The following SLC22A23 variants were observed in gnomAD, a reference collection of about 807,000 sequenced individuals.
SLC22A23 encodes the protein solute carrier family 22 member 23.
In SLC22A23, 26 loss-of-function variants were observed where a neutral mutation model predicts 61.0. The observed-to-expected ratio is 0.43, with a 90% confidence interval of 0.31 to 0.59. The LOEUF is 0.59. Ranked by LOEUF, SLC22A23 falls within the 20% of genes least tolerant of loss-of-function variation. The pLI is 0.11. For synonymous variants in SLC22A23, 430 were observed against 413.9 expected, an observed-to-expected ratio of 1.04 and a Z score of -0.47; for missense variants, 796 against 934.7, an observed-to-expected ratio of 0.85 and a Z score of 1.94.
chr6:3,389,483 C>G (rs1422254403), intron 3 of SLC22A23, among the ~76,000 whole-genome samples: 2 of 152,166 alleles, frequency 1.3e-5, no homozygotes, highest in Non-Finnish European at 2.9e-5. Flanking sequence ...GAGAAACAAG[C>G]TGGTGAGCGC....
intron 1 of SLC22A23, among the ~76,000 whole-genome samples, chr6:3,420,270 A>G (rs75554720): frequency 0.019 from 2,919 of 152,078 alleles, 47 homozygotes; most frequent in Non-Finnish European, 0.033. Context: ...GGAGTCAGAG[A>G]ACCTATATAG....
At chr6:3,379,839 C>G (rs1186987777) in intron 3 of SLC22A23, among the ~76,000 whole-genome samples, 1 of 152,208 alleles carries the variant, frequency 6.6e-6, no homozygotes, top group African/African-American at 2.4e-5. Context: ...GCAGGGGCTT[C>G]AAAGGGTTCC....
chr6:3,425,283 TTC>T, intron 1 of SLC22A23, among the ~76,000 whole-genome samples: 1 of 111,228 alleles, frequency 9.0e-6, no homozygotes, highest in Non-Finnish European at 1.9e-5. Flanking sequence ...CAATGAATAA[TTC>T]TTTTTTTTTT....
At chr6:3,385,183 G>A (rs1184152111) in intron 3 of SLC22A23, among the ~76,000 whole-genome samples, 1 of 152,148 alleles carries the variant, frequency 6.6e-6, no homozygotes, top group Admixed American at 6.6e-5. Context: ...GCCCTAGAGG[G>A]TGAATGAACT....
intron 4 of SLC22A23, among the ~76,000 whole-genome samples, chr6:3,315,724 C>CGTG (rs925517204): frequency 2.6e-5 from 4 of 151,988 alleles, no homozygotes; most frequent in Non-Finnish European, 4.4e-5. Flanking sequence ...ATTAGCCAGG[C>CGTG]GTGGTGGTGG....
rs113152417 is a variant in SLC22A23 at position 3,406,392 on chromosome 6, G to A, written c.913+3796C>T. On this transcript the variant is annotated intron_variant, in intron 3 of 9. Transcript: ENST00000406686. ...ATTCATACCACAACCAATCACGTCC[G>A]CCTATGCTGAGAAGTGTCCATTTCT... 6.8e-4 allele frequency among the ~76,000 whole-genome samples: 104 copies of A among 152,228 alleles called. 2 individuals are homozygous for A. The highest frequency in any genetic ancestry group is 2.3e-3 in the African/African-American group (97 of 41,542).
rs1772432650 is a variant in SLC22A23, at chr6:3,456,822, T to C, written c.-263A>G. 6.8e-6 allele frequency: 1 copy of C among 146,050 alleles called. No individual in the cohort carries two copies. The highest frequency in any genetic ancestry group is 1.5e-5 in the Non-Finnish European group (1 of 65,970). The allele number at this position is 146,050 out of a possible 1,614,324, so 9.0% of individuals were successfully genotyped here. On this transcript the variant is annotated 5_prime_UTR_variant, in exon 1 of 10. Coordinates refer to ENST00000406686, the MANE Select transcript of SLC22A23 (RefSeq NM_015482.2). The surrounding 1 kb of genome is among the most constrained non-coding windows in gnomAD (Gnocchi z 7.1). ...CGGCCGGGCCCTCAGCCGCCGCGGC[T>C]CATCAGTTCCGCGGCCCGGGCGCCG... is the stretch of plus-strand genomic sequence containing the variant.
intron 3 of SLC22A23, among the ~76,000 whole-genome samples, chr6:3,396,590 C>G (rs530839227): frequency 8.5e-5 from 13 of 152,116 alleles, no homozygotes; most frequent in Admixed American, 2.0e-4. Context: ...AAGACCCTAG[C>G]AGGGAGGCAC....
At chr6:3,378,744 G>A (rs1428630794) in intron 3 of SLC22A23, among the ~76,000 whole-genome samples, 5 of 137,996 alleles carry the variant, frequency 3.6e-5, no homozygotes, top group African/African-American at 5.5e-5. Flanking sequence ...TGCAACCTCC[G>A]CCTCCAGGGT....
chr6:3,283,703 A>G, intron 9 of SLC22A23, 149 bp downstream of exon 9: 1 of 1,430,766 alleles, frequency 7.0e-7, no homozygotes, highest in South Asian at 1.2e-5. Flanking sequence ...GTTGGGTCCA[A>G]CAGCCACCTC....
rs1008436612 is a variant in SLC22A23 at position 3,309,885 on chromosome 6, G to A, written c.1083-11667C>T. 1.3e-5 allele frequency among the ~76,000 whole-genome samples: 2 copies of A among 152,194 alleles called. No homozygotes were observed. Among genetic ancestry groups the A allele is most frequent in the Non-Finnish European group, 2.9e-5 (2 of 68,036 alleles). On this transcript the variant is annotated intron_variant, in intron 4 of 9. Transcript: ENST00000406686. This position sits in a 1 kb window ranked among gnomAD's most constrained non-coding sequence, Gnocchi z 4.7. ...CTAGGCCTGGCCATGCTAATACCCT[G>A]CCTGGGGCTTCATGAATGGCAGAGG...
intron 1 of SLC22A23, among the ~76,000 whole-genome samples, chr6:3,453,997 G>A (rs1291683141): frequency 6.6e-6 from 1 of 152,186 alleles, no homozygotes; most frequent in African/African-American, 2.4e-5. Flanking sequence ...TGAAGCATTT[G>A]TTATGTGCTT....
rs1210515589 is a variant in SLC22A23, at chr6:3,269,904, GGTTT to G, written c.*3147_*3150del. 2.0e-5 allele frequency: 3 copies of G among 152,796 alleles called. No homozygotes were observed. Among genetic ancestry groups the G allele is most frequent in the African/African-American group, 4.8e-5 (2 of 41,436 alleles). 9.5% of individuals were successfully genotyped at this position (152,796 alleles called of 1,614,324 possible). ...TCTGAGTGTGATACTTCCCTTACGA[GGTTT>G]GTTTTTGTTTTCTTTCTGTTCTGTA... is the stretch of plus-strand genomic sequence containing the variant. On this transcript the variant is annotated 3_prime_UTR_variant, in exon 10 of 10. Transcript: ENST00000406686.
Position 3,300,136 on chromosome 6 carries a change from T to C in SLC22A23, c.1083-1918A>G, listed in dbSNP as rs1450032323. The stretch of plus-strand genomic sequence containing the variant: ...AGCGATTCTCCTGCCTCAGCCTCCC[T>C]AGTAGCTGGGATTACAGGAATGTAC... On this transcript the variant is annotated intron_variant, in intron 4 of 9. Transcript: ENST00000406686. Among the ~76,000 whole-genome samples, 3 of 148,884 alleles carry C rather than the reference T, an allele frequency of 2.0e-5. 1 individual carries two copies. The highest frequency in any genetic ancestry group is 6.8e-5 in the Admixed American group (1 of 14,700).
At chr6:3,280,638 G>T (rs1176791698) in intron 9 of SLC22A23, among the ~76,000 whole-genome samples, 3 of 151,786 alleles carry the variant, frequency 2.0e-5, no homozygotes, top group Non-Finnish European at 4.4e-5. Flanking sequence ...TGGGACTACA[G>T]GCGCCCGCCA....
chr6:3,377,654 C>T (rs1228709586), intron 3 of SLC22A23, among the ~76,000 whole-genome samples: 1 of 90,576 alleles, frequency 1.1e-5, no homozygotes, highest in African/African-American at 4.6e-5. Context: ...CTGAACGTGT[C>T]TAGGCTGCAG....
chr6:3,373,250 T>C (rs1173746454), intron 3 of SLC22A23, among the ~76,000 whole-genome samples: 7 of 152,232 alleles, frequency 4.6e-5, no homozygotes, highest in Non-Finnish European at 1.0e-4. Flanking sequence ...ACATGTGTTG[T>C]CACAATCCCA....
chr6:3,362,222 G>A (rs1257308367), intron 3 of SLC22A23, among the ~76,000 whole-genome samples: 1 of 151,406 alleles, frequency 6.6e-6, no homozygotes, highest in Admixed American at 6.6e-5. Context: ...TGGGCAACAT[G>A]GTGAAACCCC....
intron 1 of SLC22A23, among the ~76,000 whole-genome samples, chr6:3,455,391 A>C (rs1293742158): frequency 3.3e-5 from 5 of 152,238 alleles, no homozygotes; most frequent in African/African-American, 1.2e-4. Context: ...AAAGTCAGAT[A>C]TCTTTGGGGA....
Sources: gnomAD v4.1 joint callset for allele counts (sites outside exome capture counted in the v4.1 genomes callset) on GRCh38, gnomAD v4.1.1 for gene constraint, Gnocchi (gnomAD v3.1) non-coding constraint, MANE v1.5 for transcripts, NCBI Gene and HGNC (gene_info 2026-07-23, HGNC 2026-07-21) for gene names.